Variants in RASGRF1 observed in about 807,000 individuals in gnomAD.
RASGRF1 encodes Ras protein specific guanine nucleotide releasing factor 1, also known as ras-specific guanine nucleotide-releasing factor 1.
A neutral mutation model predicts 138.7 loss-of-function variants in RASGRF1; 40 were observed. That is an observed-to-expected ratio of 0.29 (90% CI 0.22 to 0.38). The LOEUF is 0.38. Ranked by LOEUF, RASGRF1 falls within the 10% of genes least tolerant of loss-of-function variation. The pLI, the probability that RASGRF1 is intolerant of heterozygous loss-of-function variation, is 1.00. For missense variants in RASGRF1, 1,108 were observed against 1,650.4 expected, an observed-to-expected ratio of 0.67 and a Z score of 5.69; for synonymous variants, 614 against 663.2, an observed-to-expected ratio of 0.93 and a Z score of 1.14.
At chr15:79,057,060 C>T (rs920175157) in intron 3 of RASGRF1, among the ~76,000 whole-genome samples, 1 of 152,208 alleles carries the variant, frequency 6.6e-6, no homozygotes, top group African/African-American at 2.4e-5. Context: ...TCCCAGACCC[C>T]AAGACCTCTG....
chr15:79,010,885 C>T (rs549155608), intron 13 of RASGRF1, among the ~76,000 whole-genome samples: 10 of 152,230 alleles, frequency 6.6e-5, no homozygotes, highest in African/African-American at 1.2e-4. Context: ...AGAGCTGCTG[C>T]GGGAAGGCCT....
rs979706811 is a variant in RASGRF1, at chr15:78,961,754, T to C, written c.*390A>G. 2 of 114,696 alleles carry C rather than the reference T, an allele frequency of 1.7e-5. No homozygotes were observed. The highest frequency in any genetic ancestry group is 3.3e-5 in the Non-Finnish European group (2 of 61,334). 7.1% of individuals were successfully genotyped at this position (114,696 alleles called of 1,614,324 possible). ...CCCCCACCCAGTTATAACAACTACA[T>C]GGAACATGCTGGGAGGATGCCTGGG... On this transcript the variant is annotated 3_prime_UTR_variant, in exon 27 of 27. Transcript: ENST00000558480.
intron 24 of RASGRF1, among the ~76,000 whole-genome samples, chr15:78,978,218 T>TTCTTTTC (rs2055917706): frequency 1.1e-4 from 7 of 64,112 alleles, no homozygotes; most frequent in African/African-American, 1.7e-4. Context: ...TTCTTTTCTT[T>TTCTTTTC]TGTTTTTTTT....
intron 8 of RASGRF1, among the ~76,000 whole-genome samples, chr15:79,028,382 T>G (rs893250420): frequency 6.6e-6 from 1 of 152,196 alleles, no homozygotes; most frequent in Non-Finnish European, 1.5e-5. Context: ...TAATATCGCT[T>G]GGGCCCTGAA....
Position 79,072,267 on chromosome 15 carries a change from CTTTTTTT to C in RASGRF1, c.277-7748_277-7742del, listed in dbSNP as rs758415767. 9.4e-4 allele frequency among the ~76,000 whole-genome samples: 58 copies of C among 61,586 alleles called. 1 individual carries two copies. Among genetic ancestry groups the C allele is most frequent in the Admixed American group, 1.7e-3 (6 of 3,472 alleles). 40.4% of individuals were successfully genotyped at this position (61,586 alleles called of 152,430 possible). On this transcript the variant is annotated intron_variant, in intron 1 of 26. Transcript: ENST00000558480. ...TTTCTGGGAGTTCTTGATAAACAAT[CTTTTTTT>C]TTTTTTTTTTTTTTTTTTTGAGACG...
chr15:79,085,559 T>C (rs537149150), intron 1 of RASGRF1, among the ~76,000 whole-genome samples: 1 of 152,296 alleles, frequency 6.6e-6, no homozygotes, highest in South Asian at 2.1e-4. Context: ...ATTTTTCTGA[T>C]TGGCTGAGAG....
chr15:79,003,809 G>T lies in RASGRF1; in HGVS notation c.2442C>A (p.Ser814Arg). The change falls in exon 15 of 27, where the codon AGC becomes AGA. Residue 814 changes from serine to arginine, a missense_variant. Transcript: ENST00000558480. ...GACGGCATGGCCACTCACTCTGCTT[G>T]CTGAGCGCTGAAGGGTCTTCGGGCT... ...PEKPEDPSAL[S>R]KQSSEVSMRE... is the part of the protein sequence containing the mutation. The T allele has an allele frequency of 6.3e-7, 1 of 1,592,324 alleles. No homozygotes were observed. Among genetic ancestry groups the T allele is most frequent in the Non-Finnish European group, 8.6e-7 (1 of 1,168,406 alleles).
chr15:78,979,760 C>T (rs1321767247), intron 24 of RASGRF1, among the ~76,000 whole-genome samples: 1 of 152,230 alleles, frequency 6.6e-6, no homozygotes, highest in African/African-American at 2.4e-5. Flanking sequence ...AGTCCTGGTG[C>T]TAGGCCACGG....
intron 1 of RASGRF1, among the ~76,000 whole-genome samples, chr15:79,085,816 C>T (rs1451249516): frequency 6.6e-6 from 1 of 152,188 alleles, no homozygotes; most frequent in Non-Finnish European, 1.5e-5. Flanking sequence ...TTCTTCTTCT[C>T]TGTGTCTGAA....
Position 79,010,929 on chromosome 15 carries a change from C to T in RASGRF1, c.1826+4398G>A, listed in dbSNP as rs750204798. ...CATGTTAGGGGCTGGTGGGAGTACT[C>T]GGGACACGTGGGGCGTATACCTTTG... On this transcript the variant is annotated intron_variant, in intron 13 of 26. Coordinates refer to ENST00000558480, the MANE Select transcript of RASGRF1 (RefSeq NM_001145648.3). Among the ~76,000 whole-genome samples the T allele has an allele frequency of 3.9e-5, 6 of 152,106 alleles. 1 individual carries two copies. The highest frequency in any genetic ancestry group is 7.4e-5 in the Non-Finnish European group (5 of 68,022).
At chr15:79,041,858 G>T (rs1458197265) in intron 5 of RASGRF1, among the ~76,000 whole-genome samples, 2 of 152,136 alleles carry the variant, frequency 1.3e-5, no homozygotes, top group Non-Finnish European at 2.9e-5. Context: ...ATGCAGACAG[G>T]ATGAATTGAT....
chr15:78,979,821 C>T (rs1024951197), intron 24 of RASGRF1, among the ~76,000 whole-genome samples: 1 of 152,234 alleles, frequency 6.6e-6, no homozygotes, highest in Non-Finnish European at 1.5e-5. Context: ...ACTAGCTCTT[C>T]AGTTTCTTTG....
chr15:79,063,681 C>G (rs56010525), intron 2 of RASGRF1, among the ~76,000 whole-genome samples: 13,457 of 152,180 alleles, frequency 0.088, 661 homozygotes, highest in African/African-American at 0.14. Context: ...GCAGGAGACA[C>G]AGAAACACTA....
chr15:79,006,473 A>T lies in RASGRF1; in HGVS notation c.1827-39T>A. The T allele has an allele frequency of 6.3e-7, 1 of 1,587,596 alleles. No homozygotes were observed. The highest frequency in any genetic ancestry group is 1.3e-5 in the African/African-American group (1 of 74,796). On this transcript the variant is annotated intron_variant, in intron 13 of 26. Coordinates refer to ENST00000558480, the MANE Select transcript of RASGRF1 (RefSeq NM_001145648.3). This position sits in a 1 kb window ranked among gnomAD's most constrained non-coding sequence, Gnocchi z 4.0. ...AAGGATGCAGAGGTGATGTGGGTCT[A>T]AAGGCATCTGAATGGCACCCACCAG...
rs1053318498 is a variant in RASGRF1, at chr15:79,090,770, A to G, written c.-272T>C. ...CCGACCCTCCTCCGGTGCCGGGCAAACTGAGGGACTGGCGATCTGCGCGCT... is the reference window on the plus strand; with the variant it reads ...CCGACCCTCCTCCGGTGCCGGGCAAGCTGAGGGACTGGCGATCTGCGCGCT... On this transcript the variant is annotated 5_prime_UTR_variant, in exon 1 of 27. Coordinates refer to ENST00000558480, the MANE Select transcript of RASGRF1 (RefSeq NM_001145648.3). 1.0e-5 allele frequency: 5 copies of G among 480,868 alleles called. No homozygotes were observed. The highest frequency in any genetic ancestry group is 9.9e-5 in the African/African-American group (5 of 50,444). The allele number at this position is 480,868 out of a possible 1,614,324, so 29.8% of individuals were successfully genotyped here.
Position 79,090,664 on chromosome 15 carries a change from G to C in RASGRF1, c.-166C>G. On this transcript the variant is annotated 5_prime_UTR_variant, in exon 1 of 27. Coordinates refer to ENST00000558480, the MANE Select transcript of RASGRF1 (RefSeq NM_001145648.3). The stretch of plus-strand genomic sequence containing the variant: ...ACTCCAGGATCTGGCGCCGAGCCGC[G>C]GCTTCTTGAATCCAGATATACCATT... 1.0e-6 allele frequency: 1 copy of C among 966,868 alleles called. No individual in the cohort carries two copies. The highest frequency in any genetic ancestry group is 2.6e-5 in the East Asian group (1 of 38,114). 59.9% of individuals were successfully genotyped at this position (966,868 alleles called of 1,614,324 possible).
chr15:78,987,221 G>A (rs1048777962), intron 22 of RASGRF1, among the ~76,000 whole-genome samples: 6 of 152,164 alleles, frequency 3.9e-5, no homozygotes, highest in African/African-American at 1.4e-4. Context: ...TATCAACAGA[G>A]CAAGGGAGAA....
At chr15:79,078,456 A>G (rs2057869827) in intron 1 of RASGRF1, among the ~76,000 whole-genome samples, 1 of 152,126 alleles carries the variant, frequency 6.6e-6, no homozygotes. Context: ...TAAGCACATT[A>G]TTCCCAAGTC....
At position 79,090,263 on chromosome 15, in the gene RASGRF1, G is replaced by C. The variant is rs1016058636; in HGVS notation, c.236C>G (p.Pro79Arg). 3 of 1,610,984 alleles carry C rather than the reference G, an allele frequency of 1.9e-6. No individual in the cohort carries two copies. Among genetic ancestry groups the C allele is most frequent in the South Asian group, 1.1e-5 (1 of 91,026 alleles). Residue 79 changes from proline (P) to arginine (R), a missense_variant, in exon 1 of 27, where the codon CCC becomes CGC. Around this residue, in one of 3 missense-constraint regions of RASGRF1, gnomAD observed 253 missense variants for 329.5 expected, o/e 0.77. Transcript: ENST00000558480. ...EGCVCDRAPSPKPALSAKEPL... is the reference protein window; with the variant it reads ...EGCVCDRAPSRKPALSAKEPL... The stretch of plus-strand genomic sequence containing the variant: ...CTCCTTGGCCGACAGCGCCGGCTTG[G>C]GGGAGGGCGCGCGGTCGCAGACGCA...
Sources: gnomAD v4.1 joint callset for allele counts (sites outside exome capture counted in the v4.1 genomes callset) on GRCh38, gnomAD v4.1.1 for gene constraint, gnomAD v4.1.1 regional missense constraint, Gnocchi (gnomAD v3.1) non-coding constraint, MANE v1.5 for transcripts, NCBI Gene and HGNC (gene_info 2026-07-23, HGNC 2026-07-21) for gene names.